CNTLN: variants seen among roughly 807,000 people sequenced by gnomAD.
The protein encoded by CNTLN is centlein, centrosomal protein.
In CNTLN, 212 loss-of-function variants were observed where a neutral mutation model predicts 180.0. The ratio of observed to expected loss-of-function variants is 1.18; its 90% CI spans 1.05 to 1.32. The LOEUF is 1.32. Among genes scored for constraint, CNTLN ranks in the 40% most tolerant of loss-of-function variants. CNTLN has a pLI of 0.00. For missense variants in CNTLN, 2,095 were observed against 1,610.9 expected (o/e 1.30, Z -5.14); for synonymous variants, 722 against 563.1 (o/e 1.28, Z -3.99).
intron 2 of CNTLN, among the ~76,000 whole-genome samples, chr9:17,177,848 G>T (rs1419023137): frequency 6.6e-6 from 1 of 152,168 alleles, no homozygotes; most frequent in African/African-American, 2.4e-5. Flanking sequence ...TATGGAAGGG[G>T]ACCTGAATGG....
the CNTLN span, among the ~76,000 whole-genome samples, chr9:17,510,908 G>A: frequency 1.3e-5 from 2 of 152,114 alleles, no homozygotes; most frequent in Non-Finnish European, 2.9e-5. Flanking sequence ...ATGATTGCTG[G>A]GTCATATAGT....
chr9:17,303,733 T>C (rs917508134), intron 7 of CNTLN, among the ~76,000 whole-genome samples: 4 of 152,194 alleles, frequency 2.6e-5, no homozygotes, highest in South Asian at 2.1e-4. Context: ...TCTACACATA[T>C]TTTTAGATTG....
intron 2 of CNTLN, among the ~76,000 whole-genome samples, chr9:17,222,930 A>G (rs1011328582): frequency 4.6e-5 from 7 of 152,008 alleles, no homozygotes; most frequent in African/African-American, 1.7e-4. Context: ...TTTATGCAAA[A>G]TCACTCCCTA....
chr9:17,352,286 C>A (rs3891457), intron 12 of CNTLN, among the ~76,000 whole-genome samples: 126,306 of 151,270 alleles, frequency 0.83, 52,908 homozygotes, highest in Non-Finnish European at 0.87. Context: ...CTATAAAATC[C>A]ATAATAATTG....
chr9:17,421,785 C>G (rs1274268716), intron 18 of CNTLN, among the ~76,000 whole-genome samples: 1 of 151,958 alleles, frequency 6.6e-6, no homozygotes, highest in East Asian at 1.9e-4. Context: ...TGCTTTGTAA[C>G]CAATTATTTT....
chr9:17,481,004 G>GC (rs1832614916), intron 23 of CNTLN, among the ~76,000 whole-genome samples: 1 of 152,162 alleles, frequency 6.6e-6, no homozygotes, highest in South Asian at 2.1e-4. Context: ...TCTTGCCAGA[G>GC]CACAGCCTCT....
At chr9:17,502,280 A>G (rs889377467) in intron 25 of CNTLN, among the ~76,000 whole-genome samples, 2 of 152,190 alleles carry the variant, frequency 1.3e-5, no homozygotes. Flanking sequence ...TGTATTGCAG[A>G]TTACATCATT....
At chr9:17,159,564 C>T (rs1819534356) in intron 2 of CNTLN, among the ~76,000 whole-genome samples, 1 of 152,152 alleles carries the variant, frequency 6.6e-6, no homozygotes, top group African/African-American at 2.4e-5. Context: ...AAAGGAGTAC[C>T]CACTGCTCAA....
Position 17,440,671 on chromosome 9 carries a change from C to T in CNTLN, c.3115-16853C>T, listed in dbSNP as rs558440586. On this transcript the variant is annotated intron_variant, in intron 18 of 25. Transcript: ENST00000380647. ...GATAGAAGCATTATTCATAGTAGCCCAAAGGGGAAACAACCTATGGGTCCA... is the reference window on the plus strand; with the variant it reads ...GATAGAAGCATTATTCATAGTAGCCTAAAGGGGAAACAACCTATGGGTCCA... Among the ~76,000 whole-genome samples, 4 of 151,908 alleles carry T rather than the reference C, an allele frequency of 2.6e-5. No individual in the cohort carries two copies. In the South Asian group the frequency reaches 8.3e-4, roughly 32 times the overall value.
chr9:17,416,915 C>G (rs1828298021), intron 18 of CNTLN, among the ~76,000 whole-genome samples: 1 of 151,496 alleles, frequency 6.6e-6, no homozygotes, highest in South Asian at 2.1e-4. Flanking sequence ...ATCTTTCAAT[C>G]ACTGTCTCAC....
chr9:17,222,661 C>T (rs1655608499), intron 2 of CNTLN, among the ~76,000 whole-genome samples: 1 of 152,068 alleles, frequency 6.6e-6, no homozygotes, highest in African/African-American at 2.4e-5. Flanking sequence ...TTCCCAGTCT[C>T]GGGTATGTCT....
intron 2 of CNTLN, among the ~76,000 whole-genome samples, chr9:17,204,856 A>G (rs1455232921): frequency 6.6e-6 from 1 of 152,148 alleles, no homozygotes; most frequent in African/African-American, 2.4e-5. Context: ...CTAGACTGGG[A>G]CTGCTGCCTT....
At chr9:17,142,755 AG>A (rs1357246309) in intron 1 of CNTLN, among the ~76,000 whole-genome samples, 14 of 152,192 alleles carry the variant, frequency 9.2e-5, no homozygotes, top group African/African-American at 3.4e-4. Flanking sequence ...ATTTTTTAAA[AG>A]CTCCTCAAAA....
At chr9:17,268,630 C>A (rs1336431498) in intron 5 of CNTLN, among the ~76,000 whole-genome samples, 1 of 152,144 alleles carries the variant, frequency 6.6e-6, no homozygotes, top group African/African-American at 2.4e-5. Context: ...CTGTGCCCTG[C>A]CCCCAGAGGT....
At chr9:17,352,389 A>AATAT (rs373257904) in intron 12 of CNTLN, among the ~76,000 whole-genome samples, 35 of 84,416 alleles carry the variant, frequency 4.1e-4, no homozygotes, top group East Asian at 1.3e-3. Flanking sequence ...CTCAAGCTAG[A>AATAT]ATATATATAT....
At chr9:17,480,341 C>A (rs1832579117) in intron 23 of CNTLN, among the ~76,000 whole-genome samples, 2 of 118,554 alleles carry the variant, frequency 1.7e-5, no homozygotes, top group African/African-American at 3.2e-5. Context: ...AATATTATTC[C>A]AAGACAAAAT....
At chr9:17,412,963 C>G (rs967079284) in intron 16 of CNTLN, among the ~76,000 whole-genome samples, 10 of 152,078 alleles carry the variant, frequency 6.6e-5, no homozygotes, top group Admixed American at 6.6e-4. Flanking sequence ...GTACCCAGAT[C>G]TAAATTTTAG....
At chr9:17,320,043 G>T (rs533905733) in intron 8 of CNTLN, among the ~76,000 whole-genome samples, 1 of 152,248 alleles carries the variant, frequency 6.6e-6, no homozygotes, top group African/African-American at 2.4e-5. Context: ...TTTTTGCCTT[G>T]GAGGAATATC....
At chr9:17,449,269 C>T (rs1334195876) in intron 18 of CNTLN, among the ~76,000 whole-genome samples, 1 of 151,712 alleles carries the variant, frequency 6.6e-6, no homozygotes, top group Non-Finnish European at 1.5e-5. Flanking sequence ...TCCCTCCCTC[C>T]TCCCCCCACC....
Sources: allele counts gnomAD v4.1 joint callset (sites outside exome capture counted in the v4.1 genomes callset), GRCh38; gene constraint gnomAD v4.1.1; transcripts MANE v1.5; gene names NCBI Gene and HGNC (gene_info 2026-07-23, HGNC 2026-07-21).